The following MIA2 variants were observed in gnomAD, a reference collection of about 807,000 sequenced individuals.
The protein encoded by MIA2 is MIA SH3 domain ER export factor 2.
A neutral mutation model predicts 167.8 loss-of-function variants in MIA2; 127 were observed. That is an observed-to-expected ratio of 0.76 (90% CI 0.66 to 0.88). MIA2 has a LOEUF of 0.88. Ranked by LOEUF, MIA2 falls within the 40% of genes least tolerant of loss-of-function variation. The pLI, the probability that MIA2 is intolerant of heterozygous loss-of-function variation, is 0.00. For missense variants in MIA2, 1,690 were observed against 1,624.7 expected, an observed-to-expected ratio of 1.04 and a Z score of -0.69; for synonymous variants, 552 against 541.9, an observed-to-expected ratio of 1.02 and a Z score of -0.26.
chr14:39,236,785 G>C, intron 1 of MIA2, 137 bp from the exon 2 acceptor site: 1 of 811,104 alleles, frequency 1.2e-6, no homozygotes, highest in East Asian at 2.8e-5. Context: ...AGGCTATGTA[G>C]GTTTTTGAGG....
rs775746891 is a variant in MIA2 at position 39,348,718 on chromosome 14, A to T, written c.3838-25A>T. The T allele has an allele frequency of 4.3e-6, 7 of 1,611,334 alleles. No individual in the cohort carries two copies. In the African/African-American group the frequency reaches 8.0e-5, roughly 18 times the overall value. ...TGATTGCAAATTTACTGTTTTAGTG[A>T]CTGCCATATGTCAATTTGTTGTAGA... On this transcript the variant is annotated intron_variant, in intron 27 of 28. Transcript: ENST00000640607.
At chr14:39,353,888 G>A (rs1031349781), downstream of MIA2, among the ~76,000 whole-genome samples, 3 of 152,272 alleles carry the variant, frequency 2.0e-5, no homozygotes, top group Non-Finnish European at 2.9e-5. Context: ...TACAAAGGAC[G>A]TGAACTCATG....
chr14:39,245,474 C>T (rs373848601), intron 3 of MIA2, among the ~76,000 whole-genome samples: 4 of 152,154 alleles, frequency 2.6e-5, no homozygotes, highest in African/African-American at 9.7e-5. Context: ...GGGCTGCATG[C>T]AGCCTGTAAG....
intron 28 of MIA2, among the ~76,000 whole-genome samples, 165 bp from the exon 29 acceptor site, chr14:39,349,931 GGT>G (rs2074171917): frequency 1.3e-5 from 2 of 151,856 alleles, no homozygotes; most frequent in Admixed American, 6.6e-5. Context: ...TATTTGAAGA[GGT>G]ACGTTTTTCT....
Position 39,304,272 on chromosome 14 carries a change from C to A in MIA2, c.2788-19C>A. The A allele has an allele frequency of 8.3e-7, 1 of 1,199,832 alleles. No individual in the cohort carries two copies. The highest frequency in any genetic ancestry group is 1.6e-5 in the African/African-American group (1 of 63,852). The allele number at this position is 1,199,832 out of a possible 1,614,324, so 74.3% of individuals were successfully genotyped here. On this transcript the variant is annotated intron_variant, in intron 16 of 28. Transcript: ENST00000640607. ...ATAACTGATTAATGTTACTTTTTTCCTTCTTCCCTTCTTTAAAGTTAAATG... is the reference window on the plus strand; with the variant it reads ...ATAACTGATTAATGTTACTTTTTTCATTCTTCCCTTCTTTAAAGTTAAATG...
At chr14:39,318,416 G>C (rs1378610053) in intron 22 of MIA2, among the ~76,000 whole-genome samples, 1 of 152,038 alleles carries the variant, frequency 6.6e-6, no homozygotes, top group Non-Finnish European at 1.5e-5. Context: ...AGTATTGGGT[G>C]ACATTGTTTT....
At chr14:39,297,683 G>GTGTGTGTGTT (rs2061622339) in intron 13 of MIA2, among the ~76,000 whole-genome samples, 1 of 151,734 alleles carries the variant, frequency 6.6e-6, no homozygotes, top group Admixed American at 6.6e-5. Flanking sequence ...GTGTGTGTGT[G>GTGTGTGTGTT]TGTGTGTGTG....
chr14:39,299,305 CTTTTTTTTT>C (rs34424266), intron 13 of MIA2, among the ~76,000 whole-genome samples: 1 of 95,090 alleles, frequency 1.1e-5, no homozygotes, highest in Admixed American at 1.6e-4. Context: ...AATGGTATTT[CTTTTTTTTT>C]TTTTTTTTTT....
chr14:39,267,352 C>T lies in MIA2; in HGVS notation c.1888-9582C>T, dbSNP rs554376807. On this transcript the variant is annotated intron_variant, in intron 6 of 28. Transcript: ENST00000640607. ...GCTCCGCAGTGGTCCACTCCGGTTGCCGGGTGCGGATTCGGGTTCCGGACC... is the reference window on the plus strand; with the variant it reads ...GCTCCGCAGTGGTCCACTCCGGTTGTCGGGTGCGGATTCGGGTTCCGGACC... 6.3e-5 allele frequency: 100 copies of T among 1,575,712 alleles called. No homozygotes were observed. In the Middle Eastern group the frequency reaches 9.3e-4, roughly 15 times the overall value.
chr14:39,331,343 G>C (rs961573031), intron 25 of MIA2, among the ~76,000 whole-genome samples: 2 of 152,022 alleles, frequency 1.3e-5, no homozygotes, highest in Non-Finnish European at 2.9e-5. Context: ...TTGAGCCTAT[G>C]TGTGTCTATG....
At chr14:39,239,049 G>A (rs1454383031) in intron 2 of MIA2, among the ~76,000 whole-genome samples, 1 of 152,116 alleles carries the variant, frequency 6.6e-6, no homozygotes, top group Non-Finnish European at 1.5e-5. Context: ...CTTGATACAT[G>A]TATCACTTCC....
At position 39,295,040 on chromosome 14, in the gene MIA2, C is replaced by T. The variant is rs767564137; in HGVS notation, c.2496+11C>T. 26 of 1,536,174 alleles carry T rather than the reference C, an allele frequency of 1.7e-5. No individual in the cohort carries two copies. Among genetic ancestry groups the T allele is most frequent in the African/African-American group, 6.8e-5 (5 of 73,280 alleles). ...GAAAGCCAGAAACAGGTTTGTGCTC[C>T]GTAGGGACTCTTCAACTTGTGAATA... On this transcript the variant is annotated intron_variant, in intron 13 of 28. Transcript: ENST00000640607.
intron 22 of MIA2, 73 bp from the exon 23 acceptor site, chr14:39,319,136 T>G: frequency 1.4e-6 from 1 of 724,502 alleles, no homozygotes; most frequent in Non-Finnish European, 2.3e-6. Context: ...CAGCTTGTAG[T>G]TGGTAGAGGC....
At chr14:39,327,256 G>C (rs535358927) in intron 25 of MIA2, among the ~76,000 whole-genome samples, 2 of 152,160 alleles carry the variant, frequency 1.3e-5, no homozygotes, top group South Asian at 4.1e-4. Flanking sequence ...GTTGCTTGTA[G>C]AGGTAATAAT....
rs371074502 is a variant in MIA2, at chr14:39,372,442, A to G, written c.2249-14443A>G. Among the ~76,000 whole-genome samples the G allele has an allele frequency of 3.1e-4, 47 of 152,350 alleles. 1 individual carries two copies. In the Middle Eastern group the frequency reaches 0.024, roughly 77 times the overall value. ...GAGTCAACAGTATAATGTGGAAGCTAGAACAATTAAGGATGTATATAATAG... is the reference window on the plus strand; with the variant it reads ...GAGTCAACAGTATAATGTGGAAGCTGGAACAATTAAGGATGTATATAATAG... On this transcript the variant is annotated intron_variant, in intron 23 of 23. Coordinates refer to the MIA2 transcript ENST00000341502.
Position 39,319,255 on chromosome 14 carries a change from T to C in MIA2, c.3331T>C (p.Tyr1111His). Residue 1111 changes from tyrosine to histidine, a missense_variant, in exon 23 of 29, where the codon TAT becomes CAT. Coordinates refer to ENST00000640607, the MANE Select transcript of MIA2 (RefSeq NM_001329214.4). ...ATTTGAACTTTTAGAAAAAGATCCT[T>C]ATGCACTCGATGTTCCAAATACAGC... ...LKFELLEKDP[Y>H]ALDVPNTAFG... 1 of 1,569,750 alleles carries C rather than the reference T, an allele frequency of 6.4e-7. No homozygotes were observed. The highest frequency in any genetic ancestry group is 2.1e-4 in the Middle Eastern group (1 of 4,854).
At chr14:39,353,109 T>C (rs1022581589), downstream of MIA2, among the ~76,000 whole-genome samples, 1 of 152,186 alleles carries the variant, frequency 6.6e-6, no homozygotes, top group Non-Finnish European at 1.5e-5. Context: ...ATGTGAGTGT[T>C]ACTTGCATAG....
rs746458616 is a variant in MIA2, at chr14:39,279,286, A to G, written c.2020-51A>G. 52 of 1,512,678 alleles carry G rather than the reference A, an allele frequency of 3.4e-5. No homozygotes were observed. The East Asian group carries it at 1.1e-3, about 32-fold the overall frequency. The allele number at this position is 1,512,678 out of a possible 1,614,324, so 93.7% of individuals were successfully genotyped here. On this transcript the variant is annotated intron_variant, in intron 7 of 28. Coordinates refer to ENST00000640607, the MANE Select transcript of MIA2 (RefSeq NM_001329214.4). ...CAGTAGACGTTAAATGAATTGATTT[A>G]CTTGAGAGCGTATTTGTTTTAATGT...
chr14:39,361,437 GT>G (rs71130845), intron 23 of MIA2, among the ~76,000 whole-genome samples: 50,457 of 139,286 alleles, frequency 0.36, 10,321 homozygotes, highest in African/African-American at 0.58. Flanking sequence ...TAGGTGTGTG[GT>G]TTTTTTTTTT....
Sources: allele counts gnomAD v4.1 joint callset (sites outside exome capture counted in the v4.1 genomes callset), GRCh38; gene constraint gnomAD v4.1.1; transcripts MANE v1.5; gene names NCBI Gene and HGNC (gene_info 2026-07-23, HGNC 2026-07-21).